LUZP2: variants seen among roughly 807,000 people sequenced by gnomAD.
The protein encoded by LUZP2 is leucine zipper protein 2.
In LUZP2, 52 loss-of-function variants were observed where a neutral mutation model predicts 51.6. The observed-to-expected ratio is 1.01, with a 90% CI of 0.81 to 1.27. The LOEUF is 1.27. Among genes scored for constraint, LUZP2 ranks in the 50% most tolerant of loss-of-function variants. The probability of loss-of-function intolerance (pLI) is 0.00; values close to 1 mark genes in which losing one functional copy is unlikely to be tolerated. For synonymous variants in LUZP2, 154 were observed against 137.3 expected, an observed-to-expected ratio of 1.12 and a Z score of -0.85; for missense variants, 436 against 395.4, an observed-to-expected ratio of 1.10 and a Z score of -0.87.
At chr11:24,545,875 G>A (rs1029217332) in intron 1 of LUZP2, among the ~76,000 whole-genome samples, 1 of 151,806 alleles carries the variant, frequency 6.6e-6, no homozygotes. Flanking sequence ...ATTGCTTTAG[G>A]CAGTATGGTC....
At chr11:24,960,211 CT>C (rs1855349682) in intron 7 of LUZP2, among the ~76,000 whole-genome samples, 2 of 152,088 alleles carry the variant, frequency 1.3e-5, no homozygotes, top group African/African-American at 4.8e-5. Context: ...CTAAAATTCT[CT>C]TTTTTTGTTG....
chr11:24,826,515 C>CTTTTT (rs201166299), intron 5 of LUZP2, among the ~76,000 whole-genome samples: 2 of 140,514 alleles, frequency 1.4e-5, no homozygotes. Flanking sequence ...GAGTATTAAA[C>CTTTTT]TTTTTTTTTT....
At chr11:24,722,147 T>G (rs900565072) in intron 1 of LUZP2, among the ~76,000 whole-genome samples, 1 of 152,204 alleles carries the variant, frequency 6.6e-6, no homozygotes, top group Non-Finnish European at 1.5e-5. Context: ...TACATAGGCT[T>G]CCAGAAAATA....
At chr11:24,685,125 C>T (rs984356473) in intron 1 of LUZP2, among the ~76,000 whole-genome samples, 5 of 151,820 alleles carry the variant, frequency 3.3e-5, no homozygotes, top group Non-Finnish European at 5.9e-5. Flanking sequence ...CACTAATTGG[C>T]TGCCTTTTCT....
chr11:24,617,153 T>A lies in LUZP2; in HGVS notation c.63-112016T>A, dbSNP rs933627107. On this transcript the variant is annotated intron_variant, in intron 1 of 11. Transcript: ENST00000336930. ...GTTCATGGTGAGGCTATGCTATTTT[T>A]TCATTCTATTTTCTTTATGTTGTTT... Among the ~76,000 whole-genome samples, 8 of 152,218 alleles carry A rather than the reference T, an allele frequency of 5.3e-5. No individual in the cohort carries two copies. The East Asian group carries it at 1.5e-3, about 29-fold the overall frequency.
intron 1 of LUZP2, among the ~76,000 whole-genome samples, chr11:24,715,077 C>A (rs1425383421): frequency 6.6e-6 from 1 of 152,070 alleles, no homozygotes; most frequent in South Asian, 2.1e-4. Flanking sequence ...CATTTACTTA[C>A]CTCTGCTGAC....
intron 1 of LUZP2, among the ~76,000 whole-genome samples, chr11:24,722,254 G>A (rs969766410): frequency 2.6e-5 from 4 of 152,144 alleles, no homozygotes; most frequent in African/African-American, 9.7e-5. Flanking sequence ...CTGTTTTCAT[G>A]CTGCTGATAA....
chr11:24,903,998 G>T (rs563891166), intron 5 of LUZP2, among the ~76,000 whole-genome samples: 1 of 152,172 alleles, frequency 6.6e-6, no homozygotes, highest in African/African-American at 2.4e-5. Context: ...ATCCAGTAAT[G>T]GGGTTGCTGG....
At chr11:24,800,517 A>T (rs1406338120) in intron 5 of LUZP2, among the ~76,000 whole-genome samples, 1 of 149,550 alleles carries the variant, frequency 6.7e-6, no homozygotes, top group African/African-American at 2.5e-5. Flanking sequence ...CCCACATTAC[A>T]TTCACATGCC....
chr11:24,891,282 A>T (rs1298882675), intron 5 of LUZP2: 1 of 982,780 alleles, frequency 1.0e-6, no homozygotes, highest in East Asian at 1.1e-4. Context: ...AGTCATAGCA[A>T]TTCTACTTCT....
intron 1 of LUZP2, among the ~76,000 whole-genome samples, chr11:24,622,195 T>C (rs561976750): frequency 3.4e-4 from 51 of 151,974 alleles, no homozygotes; most frequent in African/African-American, 1.2e-3. Flanking sequence ...TTGTCACATA[T>C]GTATACATGT....
At chr11:25,063,859 A>G (rs1285195870) in intron 10 of LUZP2, among the ~76,000 whole-genome samples, 1 of 151,810 alleles carries the variant, frequency 6.6e-6, no homozygotes, top group African/African-American at 2.4e-5. Flanking sequence ...CCATGAATAC[A>G]ATTCCATTTC....
At chr11:24,630,900 G>T (rs1854866229) in intron 1 of LUZP2, among the ~76,000 whole-genome samples, 1 of 151,508 alleles carries the variant, frequency 6.6e-6, no homozygotes, top group African/African-American at 2.4e-5. Flanking sequence ...GTTTCTTTTT[G>T]TAGAGATCTT....
chr11:25,067,182 C>A (rs1179901131), intron 10 of LUZP2, among the ~76,000 whole-genome samples: 5 of 151,922 alleles, frequency 3.3e-5, no homozygotes, highest in East Asian at 1.9e-4. Flanking sequence ...TAAAAAGGAA[C>A]TTTAGAGAAG....
chr11:24,674,647 C>T (rs1215973109), intron 1 of LUZP2, among the ~76,000 whole-genome samples: 1 of 151,850 alleles, frequency 6.6e-6, no homozygotes, highest in East Asian at 1.9e-4. Context: ...AACCTTTGTC[C>T]CAAACTTTAT....
At chr11:24,966,599 A>G (rs1855587758) in intron 7 of LUZP2, among the ~76,000 whole-genome samples, 1 of 149,058 alleles carries the variant, frequency 6.7e-6, no homozygotes, top group Non-Finnish European at 1.5e-5. Flanking sequence ...TTATACATGC[A>G]CACATGCATT....
intron 7 of LUZP2, among the ~76,000 whole-genome samples, chr11:24,963,922 G>A (rs1855502044): frequency 6.6e-6 from 1 of 152,088 alleles, no homozygotes; most frequent in South Asian, 2.1e-4. Flanking sequence ...CTCCCCTCCA[G>A]GTTGATGTCT....
intron 6 of LUZP2, among the ~76,000 whole-genome samples, chr11:24,908,365 T>C (rs917247797): frequency 2.6e-5 from 4 of 152,160 alleles, no homozygotes; most frequent in African/African-American, 9.7e-5. Context: ...TGAAAGATAA[T>C]CTCCTGAATG....
chr11:24,850,225 T>C (rs1396828182), intron 5 of LUZP2, among the ~76,000 whole-genome samples: 1 of 152,220 alleles, frequency 6.6e-6, no homozygotes, highest in African/African-American at 2.4e-5. Flanking sequence ...TGGTATTGCC[T>C]AGGTTTTCTC....
Sources: allele counts gnomAD v4.1 joint callset (sites outside exome capture counted in the v4.1 genomes callset), GRCh38; gene constraint gnomAD v4.1.1; transcripts MANE v1.5; gene names NCBI Gene and HGNC (gene_info 2026-07-23, HGNC 2026-07-21).